Variants in MYOCD observed in about 807,000 individuals in gnomAD.
The protein encoded by MYOCD is myocardin.
MYOCD carries 32 observed loss-of-function variants against 96.1 expected under a neutral mutation model. The ratio of observed to expected loss-of-function variants is 0.33; its 90% confidence interval spans 0.25 to 0.45. The LOEUF (loss-of-function observed/expected upper bound fraction) is 0.45. Ranked by LOEUF, MYOCD falls within the 20% of genes least tolerant of loss-of-function variation. MYOCD has a pLI of 1.00. For missense variants in MYOCD, 1,133 were observed against 1,200.6 expected, an observed-to-expected ratio of 0.94 and a Z score of 0.83; for synonymous variants, 469 against 469.0, an observed-to-expected ratio of 1.00 and a Z score of 0.00.
intron 9 of MYOCD, among the ~76,000 whole-genome samples, chr17:12,748,489 A>T (rs1219994108): frequency 6.6e-6 from 1 of 152,162 alleles, no homozygotes; most frequent in Non-Finnish European, 1.5e-5. Context: ...GGTTCATTAG[A>T]CTTTCTATCT....
intron 1 of MYOCD, among the ~76,000 whole-genome samples, chr17:12,703,375 T>G (rs1341250127): frequency 1.3e-5 from 2 of 152,118 alleles, no homozygotes; most frequent in South Asian, 2.1e-4. Flanking sequence ...CTTTTGAATC[T>G]GTACATTTTT....
intron 5 of MYOCD, among the ~76,000 whole-genome samples, chr17:12,726,527 T>C (rs1359725415): frequency 6.6e-6 from 1 of 152,180 alleles, no homozygotes; most frequent in Non-Finnish European, 1.5e-5. Context: ...TCCACTCACA[T>C]TCCATTGTGA....
intron 1 of MYOCD, among the ~76,000 whole-genome samples, chr17:12,683,649 C>T (rs1198607201): frequency 1.3e-5 from 2 of 152,142 alleles, no homozygotes; most frequent in Admixed American, 1.3e-4. Context: ...CCTGACAACT[C>T]CTTTTATTTA....
intron 1 of MYOCD, among the ~76,000 whole-genome samples, chr17:12,688,364 G>A (rs1201529289): frequency 6.6e-6 from 1 of 152,210 alleles, no homozygotes; most frequent in Non-Finnish European, 1.5e-5. Flanking sequence ...CAGTTGAGCA[G>A]ATAGCCAGAT....
At chr17:12,725,435 G>C (rs865858963) in intron 5 of MYOCD, among the ~76,000 whole-genome samples, 10 of 147,548 alleles carry the variant, frequency 6.8e-5, no homozygotes, top group South Asian at 2.1e-4. Context: ...ATATTATAAA[G>C]TATACTATAC....
chr17:12,752,674 C>T lies in MYOCD; in HGVS notation c.1386C>T (p.Ser462=), dbSNP rs370674811. The T allele has an allele frequency of 6.2e-7, 1 of 1,614,070 alleles. No homozygotes were observed. Among genetic ancestry groups the T allele is most frequent in the African/African-American group, 1.3e-5 (1 of 74,936 alleles). The change falls in exon 10 of 14, where the codon TCC becomes TCT. Residue 462 remains serine (S), a synonymous_variant. Coordinates refer to ENST00000425538, the MANE Select transcript of MYOCD (RefSeq NM_001146312.3). ...CCAGCCCCCCGATCTCCCCAGCCTC[C>T]TCTGACCTGTCAGTCGCTGGGTCCC... ...TSSSPPISPA[S]SDLSVAGSLP... is the part of the protein sequence containing the mutation.
chr17:12,719,348 C>G (rs1164829316), intron 4 of MYOCD, among the ~76,000 whole-genome samples: 1 of 151,866 alleles, frequency 6.6e-6, no homozygotes, highest in Non-Finnish European at 1.5e-5. Flanking sequence ...CTGTATCAAA[C>G]TCCTTAAAAA....
At chr17:12,708,853 G>T (rs906973680) in intron 2 of MYOCD, among the ~76,000 whole-genome samples, 1 of 152,128 alleles carries the variant, frequency 6.6e-6, no homozygotes, top group Non-Finnish European at 1.5e-5. Flanking sequence ...CCCCGCCTAG[G>T]CTCCTTTTTT....
chr17:12,694,679 A>G (rs1397244990), intron 1 of MYOCD, among the ~76,000 whole-genome samples: 1 of 152,130 alleles, frequency 6.6e-6, no homozygotes, highest in African/African-American at 2.4e-5. Context: ...TAGGAGAGCT[A>G]TTGTCATACG....
rs1412969455 is a variant in MYOCD, at chr17:12,752,832, C to T, written c.1544C>T (p.Ser515Phe). ...CCTTCTGAGCTGGATGGGCTGGACTCCGAGAAGGACAAGATGCTGGTGGAG... is the reference window on the plus strand; with the variant it reads ...CCTTCTGAGCTGGATGGGCTGGACTTCGAGAAGGACAAGATGCTGGTGGAG... ...SVPSELDGLDSEKDKMLVEKQ... is the reference protein window; with the variant it reads ...SVPSELDGLDFEKDKMLVEKQ... The change falls in exon 10 of 14, where the codon TCC becomes TTC. Residue 515 changes from serine to phenylalanine, a missense_variant. Ser to Phe is a radical substitution (Grantham distance 155). Transcript: ENST00000425538. The T allele has an allele frequency of 6.2e-7, 1 of 1,613,964 alleles. No homozygotes were observed. The highest frequency in any genetic ancestry group is 8.5e-7 in the Non-Finnish European group (1 of 1,179,978).
In MYOCD at chr17:12,767,917, T is replaced by C. The variant is rs1252567245; in HGVS notation, c.*4273T>C. The C allele has an allele frequency of 2.6e-5, 4 of 152,160 alleles. No homozygotes were observed. Among genetic ancestry groups the C allele is most frequent in the African/African-American group, 9.7e-5 (4 of 41,414 alleles). 9.4% of individuals were successfully genotyped at this position (152,160 alleles called of 1,614,324 possible). On this transcript the variant is annotated 3_prime_UTR_variant, in exon 14 of 14. Transcript: ENST00000425538. ...CAAAAGGGACACTTACTGGTGAGCCTCTGGCCCTTAAAAGAAAATCATCTA... is the reference window on the plus strand; with the variant it reads ...CAAAAGGGACACTTACTGGTGAGCCCCTGGCCCTTAAAAGAAAATCATCTA...
intron 5 of MYOCD, among the ~76,000 whole-genome samples, chr17:12,734,504 C>CTTTTTTTTTTTTTTTT (rs3050319): frequency 1.5e-5 from 1 of 65,470 alleles, no homozygotes; most frequent in African/African-American, 6.4e-5. Context: ...ACACATGATC[C>CTTTTTTTTTTTTTTTT]TTTTTTTTTT....
chr17:12,690,212 T>G (rs1161342061), intron 1 of MYOCD, among the ~76,000 whole-genome samples: 1 of 151,692 alleles, frequency 6.6e-6, no homozygotes, highest in African/African-American at 2.4e-5. Context: ...AAGAATGTTA[T>G]CAGACAGTTT....
intron 4 of MYOCD, chr17:12,720,580 A>T (rs986244551): frequency 6.6e-6 from 1 of 152,186 alleles, no homozygotes; most frequent in African/African-American, 2.4e-5. Flanking sequence ...AAGAGCAAAA[A>T]TCAAAACTAT....
chr17:12,683,783 G>C (rs1454681211), intron 1 of MYOCD, among the ~76,000 whole-genome samples: 1 of 152,090 alleles, frequency 6.6e-6, no homozygotes, highest in Non-Finnish European at 1.5e-5. Context: ...CCCTCTCTAG[G>C]CTGTAAACTT....
chr17:12,677,651 G>T (rs996803272), intron 1 of MYOCD, among the ~76,000 whole-genome samples: 7 of 151,374 alleles, frequency 4.6e-5, no homozygotes, highest in Admixed American at 4.6e-4. Flanking sequence ...GGCTGAGCTT[G>T]CAGTGAGCCG....
chr17:12,714,712 G>A (rs193093707), intron 2 of MYOCD, among the ~76,000 whole-genome samples: 48 of 152,320 alleles, frequency 3.2e-4, no homozygotes, highest in South Asian at 2.9e-3. Context: ...GGGTGATGAG[G>A]AGGAGGTCAT....
rs1330954838 is a variant in MYOCD, at chr17:12,767,590, G to A, written c.*3946G>A. On this transcript the variant is annotated 3_prime_UTR_variant, in exon 14 of 14. Coordinates refer to ENST00000425538, the MANE Select transcript of MYOCD (RefSeq NM_001146312.3). ...TAAGAATCTCCCAGTCCTCAAACTA[G>A]AAACCTTTCAGCTACGATGAAAAAA... 1.2e-4 allele frequency: 18 copies of A among 151,290 alleles called. No homozygotes were observed. The highest frequency in any genetic ancestry group is 7.3e-5 in the African/African-American group (3 of 41,170). 9.4% of individuals were successfully genotyped at this position (151,290 alleles called of 1,614,324 possible). A position where few individuals can be genotyped will look rare whatever the true frequency, so the allele number is the denominator to read the frequency against.
intron 5 of MYOCD, among the ~76,000 whole-genome samples, chr17:12,729,063 C>T (rs950489533): frequency 1.3e-5 from 2 of 152,176 alleles, no homozygotes; most frequent in Non-Finnish European, 2.9e-5. Flanking sequence ...CCTCTCTGAT[C>T]GTTCATTTTG....
Sources: gnomAD v4.1 joint callset for allele counts (sites outside exome capture counted in the v4.1 genomes callset) on GRCh38, gnomAD v4.1.1 for gene constraint, MANE v1.5 for transcripts, NCBI Gene and HGNC (gene_info 2026-07-23, HGNC 2026-07-21) for gene names.